NRIP1: variants seen among roughly 807,000 people sequenced by gnomAD.
NRIP1 encodes the protein nuclear receptor-interacting protein 1.
A neutral mutation model predicts 75.0 loss-of-function variants in NRIP1; 28 were observed. The observed-to-expected ratio is 0.37, with a 90% CI of 0.28 to 0.51. NRIP1 has a LOEUF of 0.51. NRIP1 is among the 20% of genes least tolerant of loss of function. The pLI is 0.92. For missense variants in NRIP1, 1,435 were observed against 1,343.7 expected, an observed-to-expected ratio of 1.07 and a Z score of -1.06; for synonymous variants, 526 against 487.6, an observed-to-expected ratio of 1.08 and a Z score of -1.04.
At chr21:15,015,222 T>C (rs2088197125) in intron 2 of NRIP1, among the ~76,000 whole-genome samples, 1 of 152,178 alleles carries the variant, frequency 6.6e-6, no homozygotes, top group Non-Finnish European at 1.5e-5. Flanking sequence ...AAACGCAAAT[T>C]CATCTATTGT....
intron 3 of NRIP1, among the ~76,000 whole-genome samples, chr21:14,985,446 A>T (rs2087370880): frequency 6.6e-6 from 1 of 152,206 alleles, no homozygotes; most frequent in Non-Finnish European, 1.5e-5. Flanking sequence ...GACTAATATT[A>T]TGGTAGAAAA....
intron 3 of NRIP1, among the ~76,000 whole-genome samples, chr21:14,999,385 T>A (rs953211431): frequency 6.6e-6 from 1 of 152,144 alleles, no homozygotes; most frequent in Non-Finnish European, 1.5e-5. Flanking sequence ...TCCACATCCA[T>A]AGGGAGCAAT....
intron 3 of NRIP1, among the ~76,000 whole-genome samples, chr21:15,008,115 C>T (rs1323173798): frequency 2.7e-5 from 4 of 150,070 alleles, no homozygotes; most frequent in African/African-American, 9.8e-5. Flanking sequence ...GCTGAGACCT[C>T]AGAAAGAATT....
intron 3 of NRIP1, among the ~76,000 whole-genome samples, chr21:14,977,362 A>G (rs997714440): frequency 2.6e-5 from 4 of 152,228 alleles, no homozygotes; most frequent in African/African-American, 9.6e-5. Context: ...CTGAATGAGA[A>G]ACACTAAGCC....
rs1205823834 is a variant in NRIP1 at position 14,965,128 on chromosome 21, C to T, written c.3065G>A (p.Gly1022Glu). Reference protein sequence around the residue: ...PTFPEHLGCAGSRPESGLLNG... With the variant: ...PTFPEHLGCAESRPESGLLNG... ...CAAAAGCCCAGATTCTGGTCTAGAC[C>T]CTGCACAGCCCAAGTGCTCAGGGAA... The change falls in exon 4 of 4, where the codon GGG (glycine) becomes GAG (glutamate). Residue 1022 changes from glycine (G) to glutamate (E), a missense_variant. Gly to Glu is a moderately conservative substitution (Grantham distance 98). Transcript: ENST00000318948. 1.2e-6 allele frequency: 2 copies of T among 1,612,786 alleles called. No homozygotes were observed. Among genetic ancestry groups the T allele is most frequent in the Non-Finnish European group, 1.7e-6 (2 of 1,179,890 alleles).
At chr21:15,033,341 T>A (rs1297192571) in intron 2 of NRIP1, among the ~76,000 whole-genome samples, 1 of 152,186 alleles carries the variant, frequency 6.6e-6, no homozygotes, top group Admixed American at 6.5e-5. Flanking sequence ...ATTTCCATTT[T>A]ACAGATGAGA....
At chr21:15,005,201 G>T (rs907824758) in intron 3 of NRIP1, among the ~76,000 whole-genome samples, 3 of 152,066 alleles carry the variant, frequency 2.0e-5, no homozygotes, top group Non-Finnish European at 2.9e-5. Flanking sequence ...ATCATACATG[G>T]GTGACTATCT....
chr21:15,050,518 T>C (rs2147362431), intron 1 of NRIP1: 1 of 340,256 alleles, frequency 2.9e-6, no homozygotes, highest in African/African-American at 2.1e-5. Context: ...TTGTGTATCT[T>C]TAAATGAGCT....
intron 3 of NRIP1, among the ~76,000 whole-genome samples, chr21:14,979,582 T>C (rs762487079): frequency 6.6e-6 from 1 of 152,218 alleles, no homozygotes; most frequent in Non-Finnish European, 1.5e-5. Flanking sequence ...TTTAAAAATG[T>C]TCCCCATCTT....
chr21:15,023,356 G>C (rs957163104), intron 2 of NRIP1, among the ~76,000 whole-genome samples: 1 of 152,122 alleles, frequency 6.6e-6, no homozygotes, highest in African/African-American at 2.4e-5. Flanking sequence ...TATCAGAACA[G>C]TTTGTTAATA....
rs1270562763 is a variant in NRIP1, at chr21:14,961,995, AAT to A, written c.*2719_*2720del. ...TTTTAACATCTTCATGTAACAAGTCAATATATATATATATACATATTATATAT... is the reference window on the plus strand; with the variant it reads ...TTTTAACATCTTCATGTAACAAGTCAATATATATATATACATATTATATAT... On this transcript the variant is annotated 3_prime_UTR_variant, in exon 4 of 4. Coordinates refer to ENST00000318948, the MANE Select transcript of NRIP1 (RefSeq NM_003489.4). 1.7e-3 allele frequency: 213 copies of A among 122,882 alleles called. 2 individuals carry two copies. The highest frequency in any genetic ancestry group is 6.1e-3 in the African/African-American group (188 of 30,650). 7.6% of individuals were successfully genotyped at this position (122,882 alleles called of 1,614,324 possible). A position where few individuals can be genotyped will look rare whatever the true frequency, so the allele number is the denominator to read the frequency against.
At chr21:15,006,433 G>A (rs2087974413) in intron 3 of NRIP1, among the ~76,000 whole-genome samples, 1 of 152,166 alleles carries the variant, frequency 6.6e-6, no homozygotes, top group South Asian at 2.1e-4. Context: ...GAATAAAATA[G>A]TCCTGGCTTT....
intron 3 of NRIP1, among the ~76,000 whole-genome samples, chr21:14,987,251 C>G (rs1040041258): frequency 2.0e-5 from 3 of 152,172 alleles, no homozygotes; most frequent in African/African-American, 7.2e-5. Flanking sequence ...CATAGAGCCC[C>G]TGGGCTGAAC....
At chr21:14,973,843 ATTTTTTT>A (rs11391044) in intron 3 of NRIP1, among the ~76,000 whole-genome samples, 1 of 129,870 alleles carries the variant, frequency 7.7e-6, no homozygotes, top group Non-Finnish European at 1.6e-5. Flanking sequence ...TGCAGAGCTG[ATTTTTTT>A]TTTTTTTTTT....
At chr21:15,035,932 C>T (rs1600906726) in intron 2 of NRIP1, among the ~76,000 whole-genome samples, 1 of 152,110 alleles carries the variant, frequency 6.6e-6, no homozygotes, top group East Asian at 1.9e-4. Flanking sequence ...ATAATGTTAA[C>T]GATTTCTTAT....
At chr21:15,043,341 A>G (rs1415848855) in intron 2 of NRIP1, among the ~76,000 whole-genome samples, 154 bp downstream of exon 2, 1 of 152,246 alleles carries the variant, frequency 6.6e-6, no homozygotes, top group African/African-American at 2.4e-5. Flanking sequence ...CAAAATTGAA[A>G]TATAACCTTC....
At chr21:14,982,579 GTTCC>G (rs996736530) in intron 3 of NRIP1, among the ~76,000 whole-genome samples, 45 of 151,886 alleles carry the variant, frequency 3.0e-4, no homozygotes, top group African/African-American at 1.0e-3. Context: ...GAGGGTAGTT[GTTCC>G]TCTCTGTGAC....
Position 14,963,203 on chromosome 21 carries a change from G to T in NRIP1, c.*1513C>A, listed in dbSNP as rs2086635367. 6.6e-6 allele frequency: 1 copy of T among 152,310 alleles called. No homozygotes were observed. The highest frequency in any genetic ancestry group is 1.5e-5 in the Non-Finnish European group (1 of 67,930). The allele number at this position is 152,310 out of a possible 1,614,324, so 9.4% of individuals were successfully genotyped here. A position where few individuals can be genotyped will look rare whatever the true frequency, so the allele number is the denominator to read the frequency against. ...CAATCTGAGTTTAGTGCCCTTCTTG[G>T]GTTTAAACTAAATGTTGTAAGCTTT... On this transcript the variant is annotated 3_prime_UTR_variant, in exon 4 of 4. Transcript: ENST00000318948.
intron 3 of NRIP1, among the ~76,000 whole-genome samples, chr21:14,984,477 T>C (rs149961231): frequency 3.6e-4 from 55 of 151,930 alleles, no homozygotes; most frequent in African/African-American, 1.3e-3. Flanking sequence ...GAGTTGCTTC[T>C]TACACATGTG....
Sources: gnomAD v4.1 joint callset for allele counts (sites outside exome capture counted in the v4.1 genomes callset) on GRCh38, gnomAD v4.1.1 for gene constraint, MANE v1.5 for transcripts, NCBI Gene and HGNC (gene_info 2026-07-23, HGNC 2026-07-21) for gene names.